The following WDR59 variants were observed in gnomAD, a reference collection of about 807,000 sequenced individuals.
The protein encoded by WDR59 is GATOR2 complex protein WDR59.
WDR59 carries 100 observed loss-of-function variants against 131.2 expected under a neutral mutation model. That is an observed-to-expected ratio of 0.76 (90% CI 0.65 to 0.90). The LOEUF is 0.90. Ranked by LOEUF, WDR59 falls within the 40% of genes least tolerant of loss-of-function variation. The pLI is 0.00. For synonymous variants in WDR59, 601 were observed against 466.2 expected (o/e 1.29, Z -3.72); for missense variants, 1,203 against 1,262.2 (o/e 0.95, Z 0.71).
intron 7 of WDR59, among the ~76,000 whole-genome samples, chr16:74,941,704 A>AAG (rs1442561123): frequency 6.6e-6 from 1 of 151,304 alleles, no homozygotes; most frequent in African/African-American, 2.4e-5. Context: ...GAAAAAAAAA[A>AAG]AAAAGAAGAT....
intron 3 of WDR59, among the ~76,000 whole-genome samples, chr16:74,954,854 C>A (rs2033202600): frequency 6.6e-6 from 1 of 152,138 alleles, no homozygotes; most frequent in African/African-American, 2.4e-5. Flanking sequence ...TAAAAGAAGT[C>A]AGACACAAAA....
intron 1 of WDR59, 58 bp downstream of exon 1, chr16:74,984,906 G>A (rs1171322474): frequency 1.3e-6 from 2 of 1,579,802 alleles, no homozygotes; most frequent in Non-Finnish European, 1.7e-6. Context: ...CAGCCGCGTG[G>A]GGGAGGGGAA....
chr16:74,944,209 T>C (rs1339442394), intron 6 of WDR59, among the ~76,000 whole-genome samples: 1 of 152,090 alleles, frequency 6.6e-6, no homozygotes, highest in Non-Finnish European at 1.5e-5. Flanking sequence ...CTTGCACCTA[T>C]AATCCCAGCA....
In WDR59 at chr16:74,888,244, C is replaced by T; in HGVS notation, c.2271G>A (p.Arg757=). Residue 757 remains arginine (R), a synonymous_variant, in exon 22 of 26, where the codon CGG becomes CGA. Transcript: ENST00000262144. ...CAAAGGGGTTTGGTAGCCCCTGAGG[C>T]CGAGACTGGGCTTCAAACACGCTAC... is the stretch of plus-strand genomic sequence containing the variant. ...MLCSVFEAQS[R]PQGLPNPFGP... is the part of the protein sequence containing the mutation. The T allele has an allele frequency of 3.1e-6, 5 of 1,614,114 alleles. No homozygotes were observed. The highest frequency in any genetic ancestry group is 4.2e-6 in the Non-Finnish European group (5 of 1,179,998).
At position 74,911,841 on chromosome 16, in the gene WDR59, C is replaced by T. The variant is rs536214186; in HGVS notation, c.1389+357G>A. On this transcript the variant is annotated intron_variant, in intron 14 of 25. Transcript: ENST00000262144. ...GAAATTGGATTGCAAATCTCCTAAC[C>T]GGAGATGAATGCATAGTATTAATGA... Among the ~76,000 whole-genome samples the T allele has an allele frequency of 9.2e-5, 14 of 152,266 alleles. No homozygotes were observed. In the East Asian group the frequency reaches 1.3e-3, roughly 15 times the overall value.
chr16:74,979,415 A>G (rs1460207816), intron 1 of WDR59, among the ~76,000 whole-genome samples: 1 of 151,708 alleles, frequency 6.6e-6, no homozygotes. Context: ...ACAGTGAGCC[A>G]AGATCGAGCC....
At chr16:74,912,654 T>G (rs1011396856) in intron 13 of WDR59, among the ~76,000 whole-genome samples, 3 of 151,998 alleles carry the variant, frequency 2.0e-5, no homozygotes, top group Non-Finnish European at 4.4e-5. Context: ...CACAGAAATA[T>G]AGAGGTGTGG....
chr16:74,935,591 T>C (rs959241830), intron 8 of WDR59, among the ~76,000 whole-genome samples: 1 of 152,028 alleles, frequency 6.6e-6, no homozygotes, highest in African/African-American at 2.4e-5. Context: ...AGCTAATAAA[T>C]TGTCATATAA....
intron 1 of WDR59, among the ~76,000 whole-genome samples, chr16:74,983,437 C>T (rs1158276561): frequency 1.3e-5 from 2 of 151,954 alleles, no homozygotes; most frequent in African/African-American, 2.4e-5. Context: ...CATGCCACTA[C>T]ACTACAGTCT....
At chr16:74,884,497 C>G (rs1964660681) in intron 25 of WDR59, among the ~76,000 whole-genome samples, 1 of 152,162 alleles carries the variant, frequency 6.6e-6, no homozygotes, top group African/African-American at 2.4e-5. Context: ...TATAGGTGTG[C>G]ACTAGCACGC....
chr16:74,888,799 G>A (rs971085214), intron 21 of WDR59, among the ~76,000 whole-genome samples: 2 of 152,210 alleles, frequency 1.3e-5, no homozygotes, highest in African/African-American at 4.8e-5. Context: ...AATCGACTCT[G>A]GAGGTGCAGT....
chr16:74,970,980 T>C (rs376328010), intron 1 of WDR59, among the ~76,000 whole-genome samples: 1 of 151,368 alleles, frequency 6.6e-6, no homozygotes, highest in Non-Finnish European at 1.5e-5. Flanking sequence ...GCCCGAGAGG[T>C]TGTGGCTACA....
At chr16:74,969,934 GTTTTC>G (rs2033915839) in intron 1 of WDR59, among the ~76,000 whole-genome samples, 1 of 150,884 alleles carries the variant, frequency 6.6e-6, no homozygotes, top group African/African-American at 2.4e-5. Flanking sequence ...ATTTTGGGGG[GTTTTC>G]TTGAGACAGG....
intron 10 of WDR59, among the ~76,000 whole-genome samples, chr16:74,920,026 G>A (rs1457582744): frequency 5.3e-5 from 8 of 150,434 alleles, no homozygotes; most frequent in Admixed American, 1.3e-4. Context: ...AGCCATGCTC[G>A]TGCCTGCACG....
chr16:74,878,334 T>A (rs1378711616), intron 25 of WDR59, among the ~76,000 whole-genome samples: 1 of 152,352 alleles, frequency 6.6e-6, no homozygotes, highest in African/African-American at 2.4e-5. Context: ...ATTTATTTTT[T>A]AAATTTGTTT....
chr16:74,887,065 A>G (rs1964803983), intron 23 of WDR59, among the ~76,000 whole-genome samples: 1 of 152,220 alleles, frequency 6.6e-6, no homozygotes, highest in Non-Finnish European at 1.5e-5. Context: ...CACATATATC[A>G]AATGACCACA....
intron 1 of WDR59, among the ~76,000 whole-genome samples, chr16:74,966,264 G>A (rs1464808584): frequency 6.6e-6 from 1 of 152,146 alleles, no homozygotes; most frequent in African/African-American, 2.4e-5. Flanking sequence ...CAGATCACCT[G>A]AGGTCAGGAG....
At chr16:74,932,282 G>T (rs1229321894) in intron 8 of WDR59, among the ~76,000 whole-genome samples, 1 of 151,510 alleles carries the variant, frequency 6.6e-6, no homozygotes, top group Non-Finnish European at 1.5e-5. Context: ...TAGAAACAGG[G>T]TCTCACTATG....
intron 2 of WDR59, among the ~76,000 whole-genome samples, chr16:74,957,126 G>T (rs1197146352): frequency 5.4e-5 from 8 of 147,906 alleles, no homozygotes; most frequent in African/African-American, 2.0e-4. Flanking sequence ...TGTCACCCAG[G>T]CTGGAGTACT....
Sources: allele counts gnomAD v4.1 joint callset (sites outside exome capture counted in the v4.1 genomes callset), GRCh38; gene constraint gnomAD v4.1.1; transcripts MANE v1.5; gene names NCBI Gene and HGNC (gene_info 2026-07-23, HGNC 2026-07-21).